PI4K2B: variants seen among roughly 807,000 people sequenced by gnomAD.
PI4K2B encodes the protein phosphatidylinositol 4-kinase type 2-beta.
A neutral mutation model predicts 56.6 loss-of-function variants in PI4K2B; 46 were observed. The observed-to-expected ratio is 0.81, with a 90% CI of 0.64 to 1.04. The LOEUF (loss-of-function observed/expected upper bound fraction) is 1.04. PI4K2B is among the 50% of genes least tolerant of loss of function. The pLI is 0.00. For missense variants in PI4K2B, 556 were observed against 607.7 expected, an observed-to-expected ratio of 0.91 and a Z score of 0.89; for synonymous variants, 211 against 223.8, an observed-to-expected ratio of 0.94 and a Z score of 0.51.
At position 25,252,434 on chromosome 4, in the gene PI4K2B, C is replaced by A; in HGVS notation, c.382C>A (p.Gln128Lys). ...EVGIFPERIS[Q>K]GSSGSYFVKD... Reference sequence around the variant, plus strand: ...TGGAATTTTTCCAGAAAGAATCTCTCAAGGTTCAAGTGGAAGTTACTTTGT... The same window carrying A: ...TGGAATTTTTCCAGAAAGAATCTCTAAAGGTTCAAGTGGAAGTTACTTTGT... The change falls in exon 2 of 10, where the codon CAA (glutamine) becomes AAA (lysine). Residue 128 changes from glutamine to lysine, a missense_variant. By Grantham distance (53) the Gln-to-Lys change is moderately conservative (BLOSUM62 1). Transcript: ENST00000264864. 6 of 1,611,978 alleles carry A rather than the reference C, an allele frequency of 3.7e-6. No homozygotes were observed. The highest frequency in any genetic ancestry group is 5.1e-6 in the Non-Finnish European group (6 of 1,178,158).
At chr4:25,239,552 A>T (rs13106585) in intron 1 of PI4K2B, among the ~76,000 whole-genome samples, 7 of 61,206 alleles carry the variant, frequency 1.1e-4, no homozygotes, top group African/African-American at 2.2e-4. Flanking sequence ...GCCCATGCCC[A>T]CCCGGAACTC....
intron 5 of PI4K2B, among the ~76,000 whole-genome samples, chr4:25,260,169 T>C (rs1049744393): frequency 1.3e-5 from 2 of 152,182 alleles, no homozygotes; most frequent in Non-Finnish European, 2.9e-5. Context: ...GAAATTTGCC[T>C]AGAAATAGGG....
intron 9 of PI4K2B, among the ~76,000 whole-genome samples, chr4:25,274,859 G>A (rs922880262): frequency 2.6e-5 from 4 of 152,144 alleles, no homozygotes; most frequent in African/African-American, 7.2e-5. Context: ...GCAGTGGCGC[G>A]ATCTCAGCTC....
intron 7 of PI4K2B, among the ~76,000 whole-genome samples, chr4:25,264,529 G>A (rs987916988): frequency 2.0e-5 from 3 of 151,994 alleles, no homozygotes; most frequent in African/African-American, 7.3e-5. Context: ...GGTAATGATT[G>A]AGTTAACATG....
intron 7 of PI4K2B, 29 bp downstream of exon 7, chr4:25,263,878 T>A (rs762251720): frequency 1.1e-5 from 10 of 937,172 alleles, no homozygotes; most frequent in Non-Finnish European, 1.7e-6. Context: ...CTGTAGAGTC[T>A]ATAATTACCT....
chr4:25,238,888 G>T (rs1048434850), intron 1 of PI4K2B, among the ~76,000 whole-genome samples: 1 of 152,056 alleles, frequency 6.6e-6, no homozygotes, highest in African/African-American at 2.4e-5. Flanking sequence ...CCCTTATCTG[G>T]CCCCACCCAC....
intron 2 of PI4K2B, among the ~76,000 whole-genome samples, chr4:25,254,845 A>C (rs905401251): frequency 2.0e-5 from 3 of 152,086 alleles, no homozygotes; most frequent in Non-Finnish European, 4.4e-5. Context: ...CAGTTTGAAA[A>C]CTGGTCTTGA....
chr4:25,269,338 AG>A, intron 9 of PI4K2B, 135 bp downstream of exon 9: 1 of 589,106 alleles, frequency 1.7e-6, no homozygotes, highest in Admixed American at 3.1e-5. Context: ...CCAGATTATT[AG>A]AAATGAAGTT....
chr4:25,235,140 G>A (rs937090698), intron 1 of PI4K2B, among the ~76,000 whole-genome samples: 5 of 152,226 alleles, frequency 3.3e-5, no homozygotes, highest in Non-Finnish European at 5.9e-5. Context: ...TATTAATAAA[G>A]TGAGTTTTTC....
At chr4:25,269,286 A>G in intron 9 of PI4K2B, 83 bp downstream of exon 9, 1 of 785,668 alleles carries the variant, frequency 1.3e-6, no homozygotes, top group Admixed American at 2.2e-5. Context: ...TGATCTGGAG[A>G]TGGAATTTTT....
At chr4:25,256,810 G>C in intron 4 of PI4K2B, 136 bp downstream of exon 4, 1 of 785,132 alleles carries the variant, frequency 1.3e-6, no homozygotes, top group Non-Finnish European at 2.0e-6. Flanking sequence ...ATAGTAAACA[G>C]GTAATTTTAG....
rs1444305938 is a variant in PI4K2B at position 25,255,117 on chromosome 4, A to G, written c.476A>G (p.Asn159Ser). 6.2e-7 allele frequency: 1 copy of G among 1,614,122 alleles called. No individual in the cohort carries two copies. The highest frequency in any genetic ancestry group is 8.5e-7 in the Non-Finnish European group (1 of 1,179,984). Residue 159 changes from asparagine (N) to serine (S), a missense_variant, in exon 3 of 10, where the codon AAT becomes AGT. Physicochemically the swap from Asn to Ser is conservative, Grantham distance 46 (BLOSUM62 1). Coordinates refer to ENST00000264864, the MANE Select transcript of PI4K2B (RefSeq NM_018323.4). ...TCAGAAGAGCCTTATGGTCAACTCA[A>G]TCCAAAATGGACCAAATATGTCCAT... ...PKSEEPYGQLNPKWTKYVHKV... is the reference protein window; with the variant it reads ...PKSEEPYGQLSPKWTKYVHKV...
intron 7 of PI4K2B, among the ~76,000 whole-genome samples, chr4:25,265,087 C>T (rs147354477): frequency 8.3e-4 from 122 of 147,818 alleles, no homozygotes; most frequent in African/African-American, 2.7e-3. Flanking sequence ...CCCAGCTACT[C>T]GGGAGGCCGA....
intron 1 of PI4K2B, among the ~76,000 whole-genome samples, chr4:25,246,731 C>T (rs1278929298): frequency 6.6e-6 from 1 of 152,258 alleles, no homozygotes; most frequent in Admixed American, 6.5e-5. Flanking sequence ...CGGGGGGAGG[C>T]TCAGGCATGG....
intron 7 of PI4K2B, chr4:25,267,666 A>G (rs999516306): frequency 2.1e-6 from 1 of 470,174 alleles, no homozygotes; most frequent in Non-Finnish European, 2.8e-6. Flanking sequence ...AAAACCTTAC[A>G]CTCTTGCAGG....
chr4:25,272,593 A>G (rs1003283696), intron 9 of PI4K2B, among the ~76,000 whole-genome samples: 11 of 152,106 alleles, frequency 7.2e-5, no homozygotes, highest in African/African-American at 2.7e-4. Flanking sequence ...TTTAAGCCCA[A>G]GAGTTCGAGG....
At chr4:25,265,346 C>G (rs1716628923) in intron 7 of PI4K2B, among the ~76,000 whole-genome samples, 1 of 151,704 alleles carries the variant, frequency 6.6e-6, no homozygotes, top group South Asian at 2.1e-4. Context: ...ATTATTTATG[C>G]TCTTTTTCCC....
intron 1 of PI4K2B, among the ~76,000 whole-genome samples, chr4:25,236,909 A>G (rs1011469188): frequency 1.3e-5 from 2 of 152,224 alleles, no homozygotes; most frequent in Non-Finnish European, 2.9e-5. Flanking sequence ...GTAATTTAAT[A>G]CTTTTTAAGT....
rs140148851 is a variant in PI4K2B, at chr4:25,245,322, C to T, written c.269-6999C>T. Among the ~76,000 whole-genome samples, 689 of 152,120 alleles carry T rather than the reference C, an allele frequency of 4.5e-3. 15 individuals are homozygous for T. The highest frequency in any genetic ancestry group is 3.7e-3 in the East Asian group (19 of 5,170). On this transcript the variant is annotated intron_variant, in intron 1 of 9. Transcript: ENST00000264864. ...CGGGACTAACCTCGGAGAAGAGAGG[C>T]GAGAGGAAGTTTGTCTGGCAGGCAC...
Sources: allele counts gnomAD v4.1 joint callset (sites outside exome capture counted in the v4.1 genomes callset), GRCh38; gene constraint gnomAD v4.1.1; transcripts MANE v1.5; gene names NCBI Gene and HGNC (gene_info 2026-07-23, HGNC 2026-07-21).